CAMK1D: variants seen among roughly 807,000 people sequenced by gnomAD.
The protein encoded by CAMK1D is calcium/calmodulin-dependent protein kinase type 1D.
CAMK1D carries 9 observed loss-of-function variants against 47.7 expected under a neutral mutation model. The ratio of observed to expected loss-of-function variants is 0.19; its 90% CI spans 0.11 to 0.33. The LOEUF (loss-of-function observed/expected upper bound fraction) is 0.33. Among genes scored for constraint, CAMK1D ranks in the 10% least tolerant of loss-of-function variants. The probability of loss-of-function intolerance (pLI) is 1.00; values close to 1 mark genes in which losing one functional copy is unlikely to be tolerated. For missense variants in CAMK1D, 291 were observed against 488.7 expected (o/e 0.60, Z 3.81); for synonymous variants, 184 against 184.9 (o/e 0.99, Z 0.04).
chr10:12,659,873 G>C (rs1037886083), intron 2 of CAMK1D, among the ~76,000 whole-genome samples: 1 of 152,154 alleles, frequency 6.6e-6, no homozygotes, highest in African/African-American at 2.4e-5. Flanking sequence ...GCCTTTCCCA[G>C]ACTAGACTGT....
chr10:12,375,761 A>T (rs1342278948), intron 1 of CAMK1D, among the ~76,000 whole-genome samples: 1 of 152,066 alleles, frequency 6.6e-6, no homozygotes, highest in African/African-American at 2.4e-5. Flanking sequence ...TAGTCTTGAC[A>T]TGATTTATGG....
chr10:12,414,762 C>A (rs1408605815), intron 1 of CAMK1D, among the ~76,000 whole-genome samples: 1 of 152,110 alleles, frequency 6.6e-6, no homozygotes, highest in East Asian at 1.9e-4. Flanking sequence ...GTCATAGTGT[C>A]CTAGCTTTTT....
At chr10:12,617,334 G>C (rs951409347) in intron 2 of CAMK1D, among the ~76,000 whole-genome samples, 8 of 152,170 alleles carry the variant, frequency 5.3e-5, no homozygotes, top group African/African-American at 1.9e-4. Context: ...TAAGCAAAAA[G>C]AGGAAGAACA....
chr10:12,808,030 G>A (rs778793994), intron 6 of CAMK1D, among the ~76,000 whole-genome samples: 1 of 152,188 alleles, frequency 6.6e-6, no homozygotes. Flanking sequence ...ATGCCGCACC[G>A]CAGCAGCAAG....
chr10:12,600,525 C>T lies in CAMK1D; in HGVS notation c.224+47169C>T, dbSNP rs117829711. Among the ~76,000 whole-genome samples the T allele has an allele frequency of 3.8e-3, 572 of 152,212 alleles. 26 individuals are homozygous for T. The East Asian group carries it at 0.095, about 25-fold the overall frequency. ...AAGAGTTTAGTAAATGTTGATCTGG[C>T]GACATTTCACTTTTCCTTTTTAGCA... On this transcript the variant is annotated intron_variant, in intron 2 of 10. Transcript: ENST00000619168.
chr10:12,487,196 G>T (rs10906156), intron 1 of CAMK1D, among the ~76,000 whole-genome samples: 39,043 of 151,886 alleles, frequency 0.26, 5,556 homozygotes, highest in Non-Finnish European at 0.31. Context: ...GGAGGCCCCG[G>T]TGTCAGCTGT....
intron 1 of CAMK1D, among the ~76,000 whole-genome samples, chr10:12,413,879 T>C (rs1369142282): frequency 6.6e-6 from 1 of 152,208 alleles, no homozygotes; most frequent in Non-Finnish European, 1.5e-5. Context: ...ATGAGAAAGA[T>C]AATGCAGTGG....
intron 1 of CAMK1D, among the ~76,000 whole-genome samples, chr10:12,523,698 C>T (rs944765102): frequency 6.6e-6 from 1 of 152,160 alleles, no homozygotes. Context: ...GGCAGCAGTA[C>T]AGTCCAGCTT....
intron 2 of CAMK1D, among the ~76,000 whole-genome samples, chr10:12,570,508 A>C (rs7896385): frequency 0.032 from 4,895 of 151,642 alleles, 256 homozygotes; most frequent in African/African-American, 0.11. Flanking sequence ...GTGAAACCCC[A>C]CCGTCCACTA....
rs1564594241 is a variant in CAMK1D at position 12,827,496 on chromosome 10, TTC to T, written c.1040-1271_1040-1270del. Among the ~76,000 whole-genome samples, 73 of 15,424 alleles carry T rather than the reference TTC, an allele frequency of 4.7e-3. 15 individuals carry two copies. The highest frequency in any genetic ancestry group is 0.013 in the South Asian group (4 of 312). The allele number at this position is 15,424 out of a possible 152,430, so 10.1% of individuals were successfully genotyped here. The stretch of plus-strand genomic sequence containing the variant: ...TGTCTTTCTTTCTTTCTTTCTTTCT[TTC>T]TTTCTTTCTTTCTTTCTTTCTTTCT... On this transcript the variant is annotated intron_variant, in intron 10 of 10. Transcript: ENST00000619168.
At chr10:12,434,695 G>A (rs1832577693) in intron 1 of CAMK1D, among the ~76,000 whole-genome samples, 1 of 152,190 alleles carries the variant, frequency 6.6e-6, no homozygotes, top group Non-Finnish European at 1.5e-5. Context: ...TTTCAAATCT[G>A]TTAAATAATA....
intron 6 of CAMK1D, among the ~76,000 whole-genome samples, chr10:12,810,917 A>G (rs10906231): frequency 0.24 from 37,046 of 152,216 alleles, 8,081 homozygotes; most frequent in African/African-American, 0.57. Context: ...AATAGCACCC[A>G]TGACCCTGGG....
intron 2 of CAMK1D, among the ~76,000 whole-genome samples, chr10:12,592,753 C>T (rs201393252): frequency 3.3e-5 from 5 of 152,222 alleles, no homozygotes; most frequent in African/African-American, 4.8e-5. Flanking sequence ...TACTATTTCT[C>T]CCGTGGCTAC....
At chr10:12,482,832 C>A (rs1236235926) in intron 1 of CAMK1D, among the ~76,000 whole-genome samples, 1 of 152,144 alleles carries the variant, frequency 6.6e-6, no homozygotes, top group East Asian at 1.9e-4. Context: ...CTGGAGAGCT[C>A]CTTGTTCACA....
chr10:12,370,684 T>A (rs1411655564), intron 1 of CAMK1D, among the ~76,000 whole-genome samples: 1 of 152,214 alleles, frequency 6.6e-6, no homozygotes, highest in Non-Finnish European at 1.5e-5. Context: ...CTTGGCTCAC[T>A]GCAACCTTCG....
intron 3 of CAMK1D, among the ~76,000 whole-genome samples, chr10:12,726,356 A>G (rs1428989683): frequency 2.0e-5 from 3 of 152,040 alleles, no homozygotes. Context: ...CCTGGGAGGC[A>G]GAGGTTGCAG....
intron 6 of CAMK1D, among the ~76,000 whole-genome samples, chr10:12,812,924 G>T (rs772404527): frequency 2.0e-5 from 3 of 152,154 alleles, no homozygotes; most frequent in Non-Finnish European, 4.4e-5. Context: ...CCAGCCCCTC[G>T]TGTTTTCAGG....
intron 3 of CAMK1D, among the ~76,000 whole-genome samples, chr10:12,722,815 T>C (rs1203994372): frequency 6.6e-6 from 1 of 152,174 alleles, no homozygotes; most frequent in Non-Finnish European, 1.5e-5. Flanking sequence ...AAAAAGGATG[T>C]GATCTATTGG....
chr10:12,697,547 C>T (rs1319957527), intron 3 of CAMK1D, among the ~76,000 whole-genome samples: 2 of 152,124 alleles, frequency 1.3e-5, no homozygotes, highest in Non-Finnish European at 2.9e-5. Flanking sequence ...TACAGGTGCC[C>T]ACCGTCATGC....
Sources: allele counts gnomAD v4.1 joint callset (sites outside exome capture counted in the v4.1 genomes callset), GRCh38; gene constraint gnomAD v4.1.1; transcripts MANE v1.5; gene names NCBI Gene and HGNC (gene_info 2026-07-23, HGNC 2026-07-21).